Variants in SLC2A14 observed in about 807,000 individuals in gnomAD.
SLC2A14 encodes solute carrier family 2 member 14, also known as solute carrier family 2, facilitated glucose transporter member 14.
SLC2A14 carries 13 observed loss-of-function variants against 43.0 expected under a neutral mutation model. That is an observed-to-expected ratio of 0.30 (90% CI 0.20 to 0.48). The LOEUF (loss-of-function observed/expected upper bound fraction) is 0.48. Ranked by LOEUF, SLC2A14 falls within the 20% of genes least tolerant of loss-of-function variation. SLC2A14 has a pLI of 0.99. For missense variants in SLC2A14, 428 were observed against 620.4 expected, an observed-to-expected ratio of 0.69 and a Z score of 3.29; for synonymous variants, 190 against 233.8, an observed-to-expected ratio of 0.81 and a Z score of 1.71.
intron 2 of SLC2A14, among the ~76,000 whole-genome samples, chr12:7,842,141 A>G (rs1866005053): frequency 6.6e-6 from 1 of 152,028 alleles, no homozygotes; most frequent in Admixed American, 6.6e-5. Context: ...GGAGTCATAC[A>G]TTATGTAGCC....
chr12:7,881,558 C>T (rs1402453182), intron 1 of SLC2A14, among the ~76,000 whole-genome samples: 1 of 152,140 alleles, frequency 6.6e-6, no homozygotes, highest in African/African-American at 2.4e-5. Context: ...CATGCCTGAG[C>T]CTCCCCGCTC....
chr12:7,815,791 G>T (rs1311251888), intron 10 of SLC2A14, among the ~76,000 whole-genome samples: 1 of 152,076 alleles, frequency 6.6e-6, no homozygotes, highest in African/African-American at 2.4e-5. Flanking sequence ...GGTCAGGCTG[G>T]TCTTGCACTC....
In SLC2A14 at chr12:7,829,873, T is replaced by C. The variant is rs1327860504; in HGVS notation, c.406A>G (p.Thr136Ala). 6.2e-6 allele frequency: 10 copies of C among 1,614,062 alleles called. No individual in the cohort carries two copies. The highest frequency in any genetic ancestry group is 7.6e-6 in the Non-Finnish European group (9 of 1,180,030). The change falls in exon 5 of 11, where the codon ACA (threonine) becomes GCA (alanine). Residue 136 changes from threonine to alanine, a missense_variant. Thr to Ala is a moderately conservative substitution (Grantham distance 58). Transcript: ENST00000431042. The stretch of plus-strand genomic sequence containing the variant: ...CCAATGTACATGGGCACAAAACCTG[T>C]GCAGAGTCCGCAGAAGAGGCCAATA... ...LVIGLFCGLC[T>A]GFVPMYIGEI...
Position 7,814,204 on chromosome 12 carries a change from A to T in SLC2A14, c.*112T>A. ...CATGGAGTGCGTGGGATGAGAAAGA[A>T]ATCAAGTAGCAGCATTCAGAAGCAG... On this transcript the variant is annotated 3_prime_UTR_variant, in exon 11 of 11. Coordinates refer to ENST00000431042, the MANE Select transcript of SLC2A14 (RefSeq NM_001286234.2). 1 of 1,501,122 alleles carries T rather than the reference A, an allele frequency of 6.7e-7. No homozygotes were observed. Among genetic ancestry groups the T allele is most frequent in the Admixed American group, 2.1e-5 (1 of 47,474 alleles). 93.0% of individuals were successfully genotyped at this position (1,501,122 alleles called of 1,614,324 possible). A position where few individuals can be genotyped will look rare whatever the true frequency, so the allele number is the denominator to read the frequency against.
At chr12:7,855,307 T>A (rs767793748) in intron 2 of SLC2A14, among the ~76,000 whole-genome samples, 23 of 152,242 alleles carry the variant, frequency 1.5e-4, no homozygotes, top group African/African-American at 5.5e-4. Context: ...CTATTTGTTT[T>A]CATTTTTATT....
chr12:7,851,618 A>T (rs998533603), intron 2 of SLC2A14, among the ~76,000 whole-genome samples: 1 of 152,208 alleles, frequency 6.6e-6, no homozygotes, highest in African/African-American at 2.4e-5. Flanking sequence ...GTAAAAAAGC[A>T]TTAGGAAAAG....
chr12:7,887,582 T>C lies in SLC2A14; in HGVS notation c.132+3414A>G, dbSNP rs1339784621. ...TCAGATAGATAGATAGATAGATAGATAGATAGATAGATAGATAGATAGATA... is the reference window on the plus strand; with the variant it reads ...TCAGATAGATAGATAGATAGATAGACAGATAGATAGATAGATAGATAGATA... On this transcript the variant is annotated intron_variant, in intron 1 of 9. Transcript: ENST00000539924. 4.8e-5 allele frequency among the ~76,000 whole-genome samples: 7 copies of C among 146,954 alleles called. No homozygotes were observed. In the East Asian group the frequency reaches 1.0e-3, roughly 21 times the overall value.
chr12:7,829,034 GA>G (rs2120763971), intron 5 of SLC2A14, among the ~76,000 whole-genome samples, 168 bp from the exon 6 acceptor site: 1 of 151,932 alleles, frequency 6.6e-6, no homozygotes, highest in Admixed American at 6.6e-5. Context: ...CCAAGATGGT[GA>G]AACCCCGTCT....
chr12:7,820,454 G>A (rs924008501), intron 8 of SLC2A14, among the ~76,000 whole-genome samples: 3 of 152,022 alleles, frequency 2.0e-5, no homozygotes, highest in African/African-American at 7.2e-5. Flanking sequence ...TTGGGAAATC[G>A]GCCACCAACC....
intron 2 of SLC2A14, among the ~76,000 whole-genome samples, chr12:7,837,919 G>A (rs956422359): frequency 2.6e-5 from 4 of 151,874 alleles, no homozygotes; most frequent in Non-Finnish European, 5.9e-5. Context: ...CACCACGCCT[G>A]GTTAATTGTT....
chr12:7,885,252 G>A (rs1207304854), intron 1 of SLC2A14, among the ~76,000 whole-genome samples: 1 of 152,140 alleles, frequency 6.6e-6, no homozygotes, highest in Non-Finnish European at 1.5e-5. Flanking sequence ...AGATCACGAG[G>A]TCAGGCATTT....
At chr12:7,843,045 T>G (rs144052157) in intron 2 of SLC2A14, among the ~76,000 whole-genome samples, 29 of 152,134 alleles carry the variant, frequency 1.9e-4, no homozygotes, top group South Asian at 1.7e-3. Context: ...TGTTTTAATA[T>G]AGGCATGCAA....
chr12:7,851,129 G>A (rs761379569), intron 2 of SLC2A14, among the ~76,000 whole-genome samples: 5 of 152,134 alleles, frequency 3.3e-5, no homozygotes, highest in Non-Finnish European at 5.9e-5. Context: ...GTTAGAAAAC[G>A]TAAGTATCAG....
chr12:7,825,371 A>C (rs1490137538), intron 7 of SLC2A14, among the ~76,000 whole-genome samples: 1 of 150,292 alleles, frequency 6.7e-6, no homozygotes, highest in Non-Finnish European at 1.5e-5. Context: ...GAGGCAGGAG[A>C]ATCACTTGAA....
chr12:7,878,344 C>T (rs1221004852), upstream of SLC2A14, among the ~76,000 whole-genome samples: 1 of 152,032 alleles, frequency 6.6e-6, no homozygotes, highest in Admixed American at 6.6e-5. Flanking sequence ...AGTCACTGTG[C>T]CAGCCCTGGG....
chr12:7,874,700 ATATATAAATATG>A (rs891659478), upstream of SLC2A14, among the ~76,000 whole-genome samples: 1 of 143,724 alleles, frequency 7.0e-6, no homozygotes, highest in Non-Finnish European at 1.5e-5. Context: ...ATATATAAAT[ATATATAAATATG>A]TATATAAATA....
intron 2 of SLC2A14, chr12:7,850,634 T>G (rs1866858456): frequency 6.6e-6 from 1 of 152,348 alleles, no homozygotes; most frequent in African/African-American, 2.4e-5. Flanking sequence ...GACCTCGTGA[T>G]CCACCCACCT....
At chr12:7,840,517 C>T (rs1269864323) in intron 2 of SLC2A14, among the ~76,000 whole-genome samples, 3 of 151,648 alleles carry the variant, frequency 2.0e-5, no homozygotes, top group Admixed American at 6.6e-5. Context: ...GTAGCTGGGA[C>T]TACAGGCACC....
intron 1 of SLC2A14, among the ~76,000 whole-genome samples, chr12:7,870,153 A>G (rs1945146429): frequency 6.6e-6 from 1 of 152,116 alleles, no homozygotes; most frequent in Admixed American, 6.6e-5. Flanking sequence ...ATTGAGAAGC[A>G]TTTTTTCAAA....
Sources: gnomAD v4.1 joint callset for allele counts (sites outside exome capture counted in the v4.1 genomes callset) on GRCh38, gnomAD v4.1.1 for gene constraint, MANE v1.5 for transcripts, NCBI Gene and HGNC (gene_info 2026-07-23, HGNC 2026-07-21) for gene names.